Variants in CCNH observed in about 807,000 individuals in gnomAD.
The protein encoded by CCNH is cyclin H, also known as cyclin-H.
CCNH carries 31 observed loss-of-function variants against 41.9 expected under a neutral mutation model. That is an observed-to-expected ratio of 0.74 (90% CI 0.56 to 1.00). The LOEUF (loss-of-function observed/expected upper bound fraction) is 1.00, where lower values mean the gene tolerates loss of function less well. Ranked by LOEUF, CCNH falls within the 50% of genes least tolerant of loss-of-function variation. The probability of loss-of-function intolerance (pLI) is 0.00; values close to 1 mark genes in which losing one functional copy is unlikely to be tolerated. For synonymous variants in CCNH, 138 were observed against 136.1 expected, an observed-to-expected ratio of 1.01 and a Z score of -0.10; for missense variants, 362 against 388.4, an observed-to-expected ratio of 0.93 and a Z score of 0.57.
At chr5:87,398,890 C>T (rs1396489125) in intron 7 of CCNH, among the ~76,000 whole-genome samples, 1 of 151,636 alleles carries the variant, frequency 6.6e-6, no homozygotes, top group African/African-American at 2.4e-5. Flanking sequence ...GGAGAATGAC[C>T]TGAACCTGGA....
At chr5:87,364,658 C>A (rs1760371702) in intron 9 of CCNH, among the ~76,000 whole-genome samples, 1 of 152,104 alleles carries the variant, frequency 6.6e-6, no homozygotes, top group South Asian at 2.1e-4. Flanking sequence ...ATTCAGGCCT[C>A]TGTCTTTTCT....
chr5:87,338,535 A>ATT lies in CCNH; in HGVS notation c.*91-19639_*91-19638insAA, dbSNP rs1561292521. Among the ~76,000 whole-genome samples, 67 of 95,886 alleles carry ATT rather than the reference A, an allele frequency of 7.0e-4. 5 individuals are homozygous for ATT. The highest frequency in any genetic ancestry group is 1.0e-3 in the Non-Finnish European group (52 of 51,580). The allele number at this position is 95,886 out of a possible 152,430, so 62.9% of individuals were successfully genotyped here. On this transcript the variant is annotated intron_variant and NMD_transcript_variant, in intron 9 of 9. Transcript: ENST00000645953. ...TATATATATATATATATATATATAA[A>ATT]ATTTTTTTTTTTTTTAAGTAGAAAT...
At chr5:87,390,106 C>T (rs1036861424), downstream of CCNH, among the ~76,000 whole-genome samples, 1 of 152,160 alleles carries the variant, frequency 6.6e-6, no homozygotes, top group Non-Finnish European at 1.5e-5. Flanking sequence ...CTGCACCAAA[C>T]AGATACAGAT....
chr5:87,374,306 A>C (rs1417543688), downstream of CCNH: 2 of 1,606,560 alleles, frequency 1.2e-6, no homozygotes, highest in East Asian at 2.2e-5. Flanking sequence ...TATGGTCAGA[A>C]GAGTTTGTCT....
chr5:87,376,137 T>A (rs779435867), downstream of CCNH: 9 of 512,938 alleles, frequency 1.8e-5, no homozygotes, highest in Non-Finnish European at 2.8e-5. Flanking sequence ...TTTCTTGCCT[T>A]CTTGACTAAA....
the CCNH span, among the ~76,000 whole-genome samples, chr5:87,312,001 T>C: frequency 6.6e-6 from 1 of 152,224 alleles, no homozygotes; most frequent in African/African-American, 2.4e-5. Context: ...ATACTGGTGA[T>C]ATATAAGGAA....
At chr5:87,389,424 A>C, downstream of CCNH, 1 of 1,614,158 alleles carries the variant, frequency 6.2e-7, no homozygotes, top group Non-Finnish European at 8.5e-7. Flanking sequence ...ACTACAGAGC[A>C]TTCTAGAACG....
intron 9 of CCNH, chr5:87,337,834 T>C: frequency 1.2e-6 from 1 of 853,300 alleles, no homozygotes; most frequent in Non-Finnish European, 1.7e-6. Flanking sequence ...AGAAATAGGA[T>C]ACAAATTTAG....
At chr5:87,354,699 G>A (rs895742746) in intron 9 of CCNH, among the ~76,000 whole-genome samples, 2 of 152,162 alleles carry the variant, frequency 1.3e-5, no homozygotes, top group Non-Finnish European at 2.9e-5. Flanking sequence ...AAATGATTAA[G>A]CTTAGGGAGG....
chr5:87,342,094 G>A (rs565457001), intron 9 of CCNH, among the ~76,000 whole-genome samples: 10 of 150,904 alleles, frequency 6.6e-5, no homozygotes, highest in African/African-American at 2.4e-4. Context: ...GTACCCTGCT[G>A]TTTGTATTAG....
upstream of CCNH, chr5:87,377,286 G>A: frequency 1.9e-6 from 1 of 514,318 alleles, no homozygotes; most frequent in South Asian, 2.0e-5. Context: ...GGTGGTATCT[G>A]TGTCTACATC....
chr5:87,327,968 CAAA>C (rs777320325), intron 9 of CCNH, among the ~76,000 whole-genome samples: 4 of 111,986 alleles, frequency 3.6e-5, no homozygotes, highest in African/African-American at 3.3e-5. Context: ...CTCCGTTTCC[CAAA>C]AAAAAAAAAA....
At position 87,408,134 on chromosome 5, in the gene CCNH, G is replaced by GTAGTAA. The variant is rs770403006; in HGVS notation, c.366_367insTTACTA (p.Ser122_Pro123insLeuLeu). 2 of 1,590,430 alleles carry GTAGTAA rather than the reference G, an allele frequency of 1.3e-6. No individual in the cohort carries two copies. The highest frequency in any genetic ancestry group is 8.6e-7 in the Non-Finnish European group (1 of 1,165,186). On this transcript the variant is annotated inframe_insertion, in exon 4 of 9. Transcript: ENST00000256897. ...TCCCGGAGGTTTCCAACAAACTGAG[G>GTAGTAA]ACTAGATACATTGAATTCATCTACT...
In CCNH at chr5:87,349,226, G is replaced by C. The variant is rs1179465272; in HGVS notation, c.*91-30329C>G. The C allele has an allele frequency of 1.2e-6, 2 of 1,611,762 alleles. No homozygotes were observed. Among genetic ancestry groups the C allele is most frequent in the Admixed American group, 1.7e-5 (1 of 59,828 alleles). On this transcript the variant is annotated intron_variant and NMD_transcript_variant, in intron 9 of 9. Transcript: ENST00000645953. ...TTAATTCTTACAGTTGGTCAAGTCT[G>C]CAGTTTTCTTGTGAGGCCCTCAGAT... is the stretch of plus-strand genomic sequence containing the variant.
intron 9 of CCNH, among the ~76,000 whole-genome samples, chr5:87,350,045 G>A (rs928712397): frequency 6.6e-6 from 1 of 151,764 alleles, no homozygotes; most frequent in African/African-American, 2.4e-5. Flanking sequence ...GTTCTAAAAT[G>A]CTTATATTTG....
chr5:87,352,599 A>G (rs547482331), intron 9 of CCNH, among the ~76,000 whole-genome samples: 4 of 151,866 alleles, frequency 2.6e-5, no homozygotes, highest in South Asian at 2.1e-4. Context: ...AGCACTTTTA[A>G]TCAAAATAAT....
chr5:87,349,270 T>A, intron 9 of CCNH: 1 of 1,612,240 alleles, frequency 6.2e-7, no homozygotes, highest in Non-Finnish European at 8.5e-7. Flanking sequence ...TGGCGATTAT[T>A]CACTTTATTT....
intron 9 of CCNH, chr5:87,318,965 C>G (rs1238728662): frequency 6.6e-6 from 1 of 152,286 alleles, no homozygotes; most frequent in Non-Finnish European, 1.5e-5. Context: ...GGTAAATGTT[C>G]CTGTTGCAAA....
chr5:87,395,164 A>AAAAT (rs1343475411), intron 7 of CCNH, 60 bp from the exon 8 acceptor site: 6 of 1,465,718 alleles, frequency 4.1e-6, no homozygotes, highest in Non-Finnish European at 5.7e-6. Context: ...TATAAAATGT[A>AAAAT]AAATAAACTA....
Sources: allele counts gnomAD v4.1 joint callset (sites outside exome capture counted in the v4.1 genomes callset), GRCh38; gene constraint gnomAD v4.1.1; transcripts MANE v1.5; gene names NCBI Gene and HGNC (gene_info 2026-07-23, HGNC 2026-07-21).